Variants in PSMD14 observed in about 807,000 individuals in gnomAD.
The protein encoded by PSMD14 is ubiquitin C-terminal hydrolase PSMD14.
In PSMD14, 7 loss-of-function variants were observed where a neutral mutation model predicts 41.2. The ratio of observed to expected loss-of-function variants is 0.17; its 90% CI spans 0.10 to 0.32. The LOEUF is 0.32. Among genes scored for constraint, PSMD14 ranks in the 10% least tolerant of loss-of-function variants. The pLI, the probability that PSMD14 is intolerant of heterozygous loss-of-function variation, is 1.00. For synonymous variants in PSMD14, 114 were observed against 122.3 expected (o/e 0.93, Z 0.45); for missense variants, 139 against 375.6 (o/e 0.37, Z 5.21).
At chr2:161,325,868 T>C (rs1049759702) in intron 3 of PSMD14, among the ~76,000 whole-genome samples, 4 of 152,170 alleles carry the variant, frequency 2.6e-5, no homozygotes, top group Non-Finnish European at 5.9e-5. Flanking sequence ...ACTTGGTTTG[T>C]AATATAAGTG....
At chr2:161,349,435 T>C (rs1406509884) in intron 3 of PSMD14, among the ~76,000 whole-genome samples, 4 of 152,230 alleles carry the variant, frequency 2.6e-5, no homozygotes, top group Non-Finnish European at 5.9e-5. Flanking sequence ...TAAAACTGCA[T>C]TTATTTATAA....
At chr2:161,401,777 A>ATAT (rs1683882821) in intron 10 of PSMD14, among the ~76,000 whole-genome samples, 1 of 55,762 alleles carries the variant, frequency 1.8e-5, no homozygotes, top group South Asian at 6.5e-4. Flanking sequence ...CATGCATTTG[A>ATAT]CATTATTATT....
At chr2:161,388,669 G>T (rs912479936) in intron 8 of PSMD14, among the ~76,000 whole-genome samples, 1 of 151,998 alleles carries the variant, frequency 6.6e-6, no homozygotes, top group African/African-American at 2.4e-5. Context: ...AGTTACCACC[G>T]TATTTTCAGT....
intron 3 of PSMD14, among the ~76,000 whole-genome samples, chr2:161,349,088 C>T (rs1279642069): frequency 2.6e-5 from 4 of 152,086 alleles, no homozygotes; most frequent in African/African-American, 7.2e-5. Flanking sequence ...AGTCCGCTGC[C>T]GAATTGGCTT....
At chr2:161,358,862 A>G (rs1027619534) in intron 3 of PSMD14, among the ~76,000 whole-genome samples, 2 of 152,166 alleles carry the variant, frequency 1.3e-5, no homozygotes, top group African/African-American at 4.8e-5. Context: ...AGTCACTTCA[A>G]TATCTTTATT....
chr2:161,370,026 G>T, intron 5 of PSMD14, 81 bp from the exon 6 acceptor site: 1 of 1,003,630 alleles, frequency 1.0e-6, no homozygotes, highest in Non-Finnish European at 1.4e-6. Context: ...AAATGATTTT[G>T]GCAACCCCAA....
At chr2:161,317,259 T>A (rs1689157406) in intron 2 of PSMD14, among the ~76,000 whole-genome samples, 1 of 152,160 alleles carries the variant, frequency 6.6e-6, no homozygotes, top group Non-Finnish European at 1.5e-5. Context: ...TGAGTTAAGA[T>A]CGTGAAGTGG....
rs1194336836 is a variant in PSMD14 at position 161,385,565 on chromosome 2, T to G, written c.564T>G (p.Ser188=). Residue 188 remains serine (S), a synonymous_variant, in exon 8 of 12, where the codon TCT becomes TCG. Transcript: ENST00000409682. ...TSNLGHLNKP[S]IQALIHGLNR... Reference sequence around the variant, plus strand: ...ATCTGGGTCACTTAAACAAGCCATCTATCCAGGTATTGCCTATATTTGATA... The same window carrying G: ...ATCTGGGTCACTTAAACAAGCCATCGATCCAGGTATTGCCTATATTTGATA... 1 of 1,580,008 alleles carries G rather than the reference T, an allele frequency of 6.3e-7. No homozygotes were observed. Among genetic ancestry groups the G allele is most frequent in the African/African-American group, 1.3e-5 (1 of 74,112 alleles).
At chr2:161,325,681 G>GA (rs1412235518) in intron 3 of PSMD14, among the ~76,000 whole-genome samples, 4 of 151,978 alleles carry the variant, frequency 2.6e-5, no homozygotes, top group Non-Finnish European at 4.4e-5. Context: ...ATTCATATAG[G>GA]AAAAAATAGT....
At chr2:161,367,973 TAAC>T in intron 5 of PSMD14, 70 bp downstream of exon 5, 1 of 1,492,560 alleles carries the variant, frequency 6.7e-7, no homozygotes, top group African/African-American at 1.4e-5. Flanking sequence ...CTATGCAAAC[TAAC>T]TCTCATCATA....
intron 3 of PSMD14, among the ~76,000 whole-genome samples, chr2:161,346,912 TTA>T (rs1336694279): frequency 6.6e-6 from 1 of 152,136 alleles, no homozygotes; most frequent in Non-Finnish European, 1.5e-5. Flanking sequence ...GCATTGATCA[TTA>T]TTAAGCTGAA....
At chr2:161,331,289 G>A (rs13024569) in intron 3 of PSMD14, among the ~76,000 whole-genome samples, 41,400 of 150,268 alleles carry the variant, frequency 0.28, 7,273 homozygotes, top group Admixed American at 0.39. Context: ...TTAAGACGGA[G>A]TCTCACTCTG....
At chr2:161,372,447 G>C (rs917572812) in intron 7 of PSMD14, among the ~76,000 whole-genome samples, 28 of 151,826 alleles carry the variant, frequency 1.8e-4, no homozygotes, top group Non-Finnish European at 1.5e-5. Context: ...AATGTTTTCT[G>C]ACATCATGTC....
chr2:161,344,889 A>G (rs1261480699), intron 3 of PSMD14, among the ~76,000 whole-genome samples: 1 of 152,222 alleles, frequency 6.6e-6, no homozygotes, highest in African/African-American at 2.4e-5. Context: ...TTTAATTTTG[A>G]TGAAGTCCAA....
chr2:161,366,865 G>A (rs761895939), intron 3 of PSMD14, among the ~76,000 whole-genome samples: 1 of 152,166 alleles, frequency 6.6e-6, no homozygotes, highest in Non-Finnish European at 1.5e-5. Context: ...AAAGGTAGTG[G>A]TTAGGATTTT....
intron 2 of PSMD14, among the ~76,000 whole-genome samples, chr2:161,317,032 C>G (rs1400148599): frequency 6.6e-6 from 1 of 151,938 alleles, no homozygotes; most frequent in African/African-American, 2.4e-5. Flanking sequence ...TCTGTTGGTT[C>G]TTTAAGTTTG....
chr2:161,348,348 C>T (rs1683073856), intron 3 of PSMD14, among the ~76,000 whole-genome samples: 1 of 152,110 alleles, frequency 6.6e-6, no homozygotes, highest in African/African-American at 2.4e-5. Flanking sequence ...GCTAAAGCAG[C>T]CATATATTAC....
chr2:161,391,155 C>A lies in PSMD14; in HGVS notation c.622C>A (p.Arg208=), dbSNP rs771009267. 1.2e-5 allele frequency: 19 copies of A among 1,532,654 alleles called. No individual in the cohort carries two copies. Among genetic ancestry groups the A allele is most frequent in the Non-Finnish European group, 1.4e-5 (16 of 1,137,474 alleles). The allele number at this position is 1,532,654 out of a possible 1,614,324, so 94.9% of individuals were successfully genotyped here. ...TTATTACTCCATTACTATTAACTAT[C>A]GGAAAAATGAACTGGAACAGAAGGT... ...RHYYSITINY[R]KNELEQKMLL... Residue 208 remains arginine, a synonymous_variant, in exon 9 of 12, where the codon CGG becomes AGG. Coordinates refer to ENST00000409682, the MANE Select transcript of PSMD14 (RefSeq NM_005805.6).
At chr2:161,312,749 T>C (rs1574111046) in intron 1 of PSMD14, among the ~76,000 whole-genome samples, 1 of 152,256 alleles carries the variant, frequency 6.6e-6, no homozygotes, top group East Asian at 1.9e-4. Flanking sequence ...TCGACCTTTT[T>C]ATTGCTTTTA....
Sources: gnomAD v4.1 joint callset for allele counts (sites outside exome capture counted in the v4.1 genomes callset) on GRCh38, gnomAD v4.1.1 for gene constraint, MANE v1.5 for transcripts, NCBI Gene and HGNC (gene_info 2026-07-23, HGNC 2026-07-21) for gene names.